PYY: variants seen among roughly 807,000 people sequenced by gnomAD.
PYY encodes the protein peptide tyrosine tyrosine.
In PYY, 12 loss-of-function variants were observed where a neutral mutation model predicts 10.3. The observed-to-expected ratio is 1.17, with a 90% confidence interval of 0.75 to 1.89. The LOEUF (loss-of-function observed/expected upper bound fraction) is 1.89, where lower values mean the gene tolerates loss of function less well. Among genes scored for constraint, PYY ranks in the 40% most tolerant of loss-of-function variants. PYY has a pLI of 0.00. For missense variants in PYY, 141 were observed against 134.0 expected (o/e 1.05, Z -0.26); for synonymous variants, 66 against 62.0 (o/e 1.06, Z -0.30).
chr17:43,965,152 C>T (rs948362150), intron 2 of PYY, among the ~76,000 whole-genome samples: 38 of 148,546 alleles, frequency 2.6e-4, no homozygotes, highest in Admixed American at 6.1e-4. Flanking sequence ...CTTTTTTTTT[C>T]TTCCAGGTTT....
At chr17:43,982,925 A>T (rs2048892791) in intron 1 of PYY, among the ~76,000 whole-genome samples, 1 of 152,116 alleles carries the variant, frequency 6.6e-6, no homozygotes, top group Non-Finnish European at 1.5e-5. Flanking sequence ...TCCAGCAGCC[A>T]ATTGGGGTGC....
chr17:43,962,687 G>A (rs970124417), intron 2 of PYY, among the ~76,000 whole-genome samples: 1 of 152,188 alleles, frequency 6.6e-6, no homozygotes, highest in African/African-American at 2.4e-5. Context: ...GAATTTAGGG[G>A]CATAAACACT....
chr17:43,958,537 G>A (rs749414669), upstream of PYY, among the ~76,000 whole-genome samples: 12 of 152,086 alleles, frequency 7.9e-5, no homozygotes, highest in Non-Finnish European at 1.6e-4. Flanking sequence ...ATGCCACCAC[G>A]CCTGGCTAAT....
chr17:43,959,538 T>C (rs1627968), intron 2 of PYY, among the ~76,000 whole-genome samples: 105,487 of 152,092 alleles, frequency 0.69, 37,247 homozygotes, highest in African/African-American at 0.8. Context: ...AAAAATTAGC[T>C]GGGTATGGTG....
upstream of PYY, among the ~76,000 whole-genome samples, chr17:43,954,881 A>G (rs566403620): frequency 5.9e-5 from 9 of 152,370 alleles, no homozygotes; most frequent in African/African-American, 1.9e-4. Flanking sequence ...TAGGTAGTGC[A>G]TAATTTCGGG....
At chr17:43,989,369 G>A (rs369714425) in intron 1 of PYY, among the ~76,000 whole-genome samples, 4 of 151,878 alleles carry the variant, frequency 2.6e-5, no homozygotes, top group South Asian at 4.2e-4. Flanking sequence ...GCAAGACTCC[G>A]TCTCAAAAAC....
intron 1 of PYY, among the ~76,000 whole-genome samples, chr17:43,999,195 G>C (rs1158077722): frequency 6.6e-6 from 1 of 152,050 alleles, no homozygotes; most frequent in Non-Finnish European, 1.5e-5. Flanking sequence ...ATAGGCTTAG[G>C]GGGAGGAGGG....
At chr17:43,995,063 C>T (rs901596006) in intron 1 of PYY, among the ~76,000 whole-genome samples, 17 of 152,212 alleles carry the variant, frequency 1.1e-4, no homozygotes, top group Non-Finnish European at 1.9e-4. Flanking sequence ...CATCGCGTGG[C>T]CGGGCCGGCA....
At chr17:43,989,520 T>C (rs1021011151) in intron 1 of PYY, among the ~76,000 whole-genome samples, 4 of 152,130 alleles carry the variant, frequency 2.6e-5, no homozygotes, top group East Asian at 3.9e-4. Context: ...TTTCTCCACA[T>C]CCTCACAACA....
intron 2 of PYY, among the ~76,000 whole-genome samples, chr17:43,959,118 G>A (rs915082592): frequency 1.3e-5 from 2 of 152,204 alleles, no homozygotes; most frequent in African/African-American, 4.8e-5. Context: ...ATGCAAGAAA[G>A]TCAAAGGGTA....
chr17:43,989,861 T>C (rs1597857268), intron 1 of PYY, among the ~76,000 whole-genome samples: 2 of 2,660 alleles, frequency 7.5e-4, no homozygotes, highest in African/African-American at 2.2e-3. Flanking sequence ...TATATATATA[T>C]ATATATATAT....
intron 1 of PYY, among the ~76,000 whole-genome samples, chr17:43,999,154 C>T (rs967638013): frequency 1.3e-5 from 2 of 151,366 alleles, no homozygotes; most frequent in South Asian, 2.1e-4. Context: ...AAGGGGGTAT[C>T]GAGGAGGAGG....
chr17:43,958,730 C>T (rs1284090865), upstream of PYY, among the ~76,000 whole-genome samples: 8 of 152,158 alleles, frequency 5.3e-5, no homozygotes, highest in Admixed American at 3.3e-4. Flanking sequence ...CCCACAGGGC[C>T]GTAGTTTGCT....
In PYY at chr17:43,975,728, AT is replaced by A. The variant is rs1567931529; in HGVS notation, c.-462-9197del. ...GAGTAAGACCCTGAAAAAAAAAAAT[AT>A]ATATATATATATATATACACACACA... On this transcript the variant is annotated intron_variant, in intron 1 of 6. Transcript: ENST00000360085. 4.6e-4 allele frequency among the ~76,000 whole-genome samples: 35 copies of A among 75,600 alleles called. 4 individuals are homozygous for A. Among genetic ancestry groups the A allele is most frequent in the Non-Finnish European group, 6.2e-4 (29 of 47,126 alleles). 49.6% of individuals were successfully genotyped at this position (75,600 alleles called of 152,430 possible).
At chr17:43,971,885 T>C (rs1464907317) in intron 1 of PYY, among the ~76,000 whole-genome samples, 2 of 152,088 alleles carry the variant, frequency 1.3e-5, no homozygotes, top group African/African-American at 4.8e-5. Context: ...TCAATTGTTC[T>C]CTTTTGTGAC....
intron 2 of PYY, among the ~76,000 whole-genome samples, chr17:43,964,964 A>G (rs1277648237): frequency 6.6e-6 from 1 of 152,238 alleles, no homozygotes; most frequent in East Asian, 1.9e-4. Context: ...AGAATTTACA[A>G]TGTGGAAGAA....
intron 1 of PYY, among the ~76,000 whole-genome samples, chr17:43,994,910 G>A (rs573837422): frequency 2.0e-5 from 3 of 152,136 alleles, no homozygotes; most frequent in African/African-American, 7.2e-5. Context: ...GAGCAAGAGG[G>A]TATCAGGAGT....
chr17:43,969,659 GAGGCTA>G lies in PYY; in HGVS notation c.-462-3133_-462-3128del, dbSNP rs555050472. On this transcript the variant is annotated intron_variant, in intron 1 of 6. Coordinates refer to the PYY transcript ENST00000360085. ...CACGCCTATAATTCCAATGCCTTGG[GAGGCTA>G]AGTCAAGAGGTAGGTATTGCTTGAA... 2.6e-5 allele frequency among the ~76,000 whole-genome samples: 4 copies of G among 152,068 alleles called. No individual in the cohort carries two copies. The South Asian group carries it at 8.3e-4, about 32-fold the overall frequency.
intron 1 of PYY, among the ~76,000 whole-genome samples, chr17:43,997,965 G>C (rs1054169822): frequency 8.6e-5 from 13 of 151,898 alleles, no homozygotes; most frequent in Non-Finnish European, 1.9e-4. Context: ...TTGAGACAGA[G>C]TCTCACTCTG....
Sources: gnomAD v4.1 joint callset for allele counts (sites outside exome capture counted in the v4.1 genomes callset) on GRCh38, gnomAD v4.1.1 for gene constraint, MANE v1.5 for transcripts, NCBI Gene and HGNC (gene_info 2026-07-23, HGNC 2026-07-21) for gene names.